IL1RAPL2: variants seen among roughly 807,000 people sequenced by gnomAD.
IL1RAPL2 encodes interleukin 1 receptor accessory protein like 2.
Under a neutral mutation model 44.1 loss-of-function variants are expected in IL1RAPL2, and 3 were observed. The ratio of observed to expected loss-of-function variants is 0.07; its 90% CI spans 0.03 to 0.18. IL1RAPL2 has a LOEUF of 0.18. Ranked by LOEUF, IL1RAPL2 falls within the 10% of genes least tolerant of loss-of-function variation. IL1RAPL2 has a pLI of 1.00. For missense variants in IL1RAPL2, 391 were observed against 496.4 expected (o/e 0.79, Z 2.02); for synonymous variants, 181 against 178.8 (o/e 1.01, Z -0.10).
intron 5 of IL1RAPL2, among the ~76,000 whole-genome samples, chrX:105,341,188 G>T (rs1048617433): frequency 9.0e-6 from 1 of 111,322 alleles, no homozygotes. Context: ...AATTGTAAGT[G>T]CTTGTTCATA....
At chrX:105,030,103 T>C (rs1020522240) in intron 2 of IL1RAPL2, among the ~76,000 whole-genome samples, 14 of 110,311 alleles carry the variant, frequency 1.3e-4, no homozygotes, top group African/African-American at 4.6e-4. Context: ...GGGTTTGTTT[T>C]TTTCTTGTAA....
intron 2 of IL1RAPL2, among the ~76,000 whole-genome samples, chrX:104,872,969 A>T (rs1922805184): frequency 8.9e-6 from 1 of 111,908 alleles, no homozygotes. Flanking sequence ...CAGAGATAGC[A>T]GAGCAATAAA....
At chrX:104,777,923 T>A (rs1932746201) in intron 2 of IL1RAPL2, among the ~76,000 whole-genome samples, 1 of 111,105 alleles carries the variant, frequency 9.0e-6, no homozygotes, top group Admixed American at 9.6e-5. Flanking sequence ...CTACTTTTAA[T>A]ATTTTGAGAA....
intron 2 of IL1RAPL2, among the ~76,000 whole-genome samples, chrX:104,716,051 C>G (rs1489990230): frequency 4.5e-5 from 5 of 111,156 alleles, no homozygotes; most frequent in African/African-American, 1.6e-4. Context: ...CAAGGCTACA[C>G]TAACAAAACA....
rs147230268 is a variant in IL1RAPL2 at position 104,614,013 on chromosome X, A to G, written c.-19-44882A>G. 3.3e-3 allele frequency among the ~76,000 whole-genome samples: 358 copies of G among 109,612 alleles called. 2 individuals carry two copies. Among genetic ancestry groups the G allele is most frequent in the African/African-American group, 0.012 (348 of 30,224 alleles). On this transcript the variant is annotated intron_variant, in intron 1 of 10. Coordinates refer to ENST00000372582, the MANE Select transcript of IL1RAPL2 (RefSeq NM_017416.2). ...TCATAATAGCCTCTAATTATCTTTT[A>G]TATTTTTATGGGTTGGTTGTAATTT...
chrX:105,209,291 C>T (rs966218982), intron 3 of IL1RAPL2, among the ~76,000 whole-genome samples: 1 of 112,009 alleles, frequency 8.9e-6, no homozygotes, highest in Non-Finnish European at 1.9e-5. Context: ...TTTAATTTTA[C>T]TTTCCATTAT....
At chrX:104,833,354 G>T (rs897001878) in intron 2 of IL1RAPL2, among the ~76,000 whole-genome samples, 1 of 111,846 alleles carries the variant, frequency 8.9e-6, no homozygotes, top group Admixed American at 9.5e-5. Flanking sequence ...GTTGCCAAAG[G>T]TATTGCTGTT....
At position 104,702,194 on chromosome X, in the gene IL1RAPL2, G is replaced by C. The variant is rs189248035; in HGVS notation, c.82+43199G>C. Among the ~76,000 whole-genome samples the C allele has an allele frequency of 4.6e-4, 51 of 111,452 alleles. No individual in the cohort carries two copies. In the East Asian group the frequency reaches 0.014, roughly 31 times the overall value. ...ATTTGCTTTTGTTTTCATGTTTTTT[G>C]TAAGTGGTCTTAAGTCACTTCATGT... is the stretch of plus-strand genomic sequence containing the variant. On this transcript the variant is annotated intron_variant, in intron 2 of 10. Transcript: ENST00000372582.
intron 5 of IL1RAPL2, among the ~76,000 whole-genome samples, chrX:105,342,476 C>T (rs1285922135): frequency 9.0e-6 from 1 of 111,634 alleles, no homozygotes; most frequent in Admixed American, 9.5e-5. Context: ...TTTCAACTTT[C>T]AACAAGAACA....
chrX:105,232,286 C>T (rs372485165), intron 3 of IL1RAPL2, among the ~76,000 whole-genome samples: 1 of 111,459 alleles, frequency 9.0e-6, no homozygotes, highest in Non-Finnish European at 1.9e-5. Flanking sequence ...TGCATGATGT[C>T]GGGGATATAA....
chrX:104,854,280 AT>A (rs1313514087), intron 2 of IL1RAPL2, among the ~76,000 whole-genome samples: 393 of 108,867 alleles, frequency 3.6e-3, no homozygotes, highest in African/African-American at 0.012. Flanking sequence ...AGAAACCCTG[AT>A]TTTTTTTTTA....
At chrX:105,416,528 GT>G (rs1330318479) in intron 5 of IL1RAPL2, among the ~76,000 whole-genome samples, 1 of 112,113 alleles carries the variant, frequency 8.9e-6, no homozygotes, top group African/African-American at 3.2e-5. Context: ...TCATAGAATT[GT>G]TATGAAAATG....
intron 3 of IL1RAPL2, chrX:105,218,839 C>T: frequency 1.7e-6 from 1 of 605,292 alleles, no homozygotes; most frequent in East Asian, 3.3e-5. Context: ...TGTCTCACCT[C>T]CTTCCCCCAC....
intron 6 of IL1RAPL2, among the ~76,000 whole-genome samples, chrX:105,648,066 T>C (rs16984821): frequency 0.016 from 1,776 of 111,812 alleles, 35 homozygotes; most frequent in African/African-American, 0.054. Flanking sequence ...GCAGTGTTGT[T>C]GGGAAGAATT....
intron 8 of IL1RAPL2, among the ~76,000 whole-genome samples, chrX:105,746,481 C>T (rs182547665): frequency 1.3e-4 from 14 of 111,869 alleles, no homozygotes; most frequent in African/African-American, 4.2e-4. Flanking sequence ...CAATTCTGCC[C>T]TCTGATTATA....
chrX:105,526,452 C>T (rs931735437), intron 6 of IL1RAPL2, among the ~76,000 whole-genome samples: 4 of 111,929 alleles, frequency 3.6e-5, no homozygotes, highest in Non-Finnish European at 5.7e-5. Context: ...CTTTCATCAA[C>T]ATTTCTCCCA....
At chrX:105,096,869 T>TA (rs1281706116) in intron 2 of IL1RAPL2, among the ~76,000 whole-genome samples, 2 of 112,254 alleles carry the variant, frequency 1.8e-5, no homozygotes, top group Non-Finnish European at 3.8e-5. Context: ...ATAAAAAAGT[T>TA]AATTTTTAAT....
intron 2 of IL1RAPL2, among the ~76,000 whole-genome samples, chrX:104,673,017 G>A (rs1306082682): frequency 9.0e-6 from 1 of 111,260 alleles, no homozygotes; most frequent in Non-Finnish European, 1.9e-5. Flanking sequence ...AGATGAGTAG[G>A]TTGCAAAAAT....
chrX:105,600,683 ATATT>A (rs1281680669), intron 6 of IL1RAPL2, among the ~76,000 whole-genome samples: 3 of 108,642 alleles, frequency 2.8e-5, no homozygotes, highest in Non-Finnish European at 3.8e-5. Context: ...TGATAATAGA[ATATT>A]TAATTAATTT....
Sources: gnomAD v4.1 joint callset for allele counts (sites outside exome capture counted in the v4.1 genomes callset) on GRCh38, gnomAD v4.1.1 for gene constraint, MANE v1.5 for transcripts, NCBI Gene and HGNC (gene_info 2026-07-23, HGNC 2026-07-21) for gene names.